MACROH2A1: variants seen among roughly 807,000 people sequenced by gnomAD.
MACROH2A1 encodes the protein macroH2A.1 histone.
Under a neutral mutation model 31.6 loss-of-function variants are expected in MACROH2A1, and 2 were observed. That is an observed-to-expected ratio of 0.06 (90% CI 0.03 to 0.20). The LOEUF (loss-of-function observed/expected upper bound fraction) is 0.20. MACROH2A1 is among the 10% of genes least tolerant of loss of function. The probability of loss-of-function intolerance (pLI) is 1.00; values close to 1 mark genes in which losing one functional copy is unlikely to be tolerated. For synonymous variants in MACROH2A1, 169 were observed against 189.6 expected (o/e 0.89, Z 0.89); for missense variants, 230 against 474.0 (o/e 0.49, Z 4.78).
chr5:135,354,725 C>T (rs538425813), intron 5 of MACROH2A1: 37 of 281,924 alleles, frequency 1.3e-4, no homozygotes, highest in African/African-American at 8.3e-4. Flanking sequence ...AGTCGGGGGC[C>T]TTAGGGTAAG....
chr5:135,342,231 C>T (rs1354319855), intron 8 of MACROH2A1, among the ~76,000 whole-genome samples: 1 of 152,214 alleles, frequency 6.6e-6, no homozygotes, highest in East Asian at 1.9e-4. Flanking sequence ...ATGTCTGCAT[C>T]ATGGGACACA....
chr5:135,335,080 C>A lies in MACROH2A1; in HGVS notation c.1015G>T (p.Val339Leu). ...LILKAISSYF[V>L]STMSSSIKTV... ...TTGATGGAAGAGGACATTGTAGACA[C>A]GAAGTAACTGGAGATGGCCTTCAGA... is the stretch of plus-strand genomic sequence containing the variant. Residue 339 changes from valine to leucine, a missense_variant, in exon 9 of 9, where the codon GTG (valine) becomes TTG (leucine). Physicochemically the swap from Val to Leu is conservative, Grantham distance 32 (BLOSUM62 1). Around this residue, in one of 2 missense-constraint regions of MACROH2A1, gnomAD observed 183 missense variants for 319.3 expected, o/e 0.57. Coordinates refer to ENST00000511689, the MANE Select transcript of MACROH2A1 (RefSeq NM_138610.3). 3 of 1,613,456 alleles carry A rather than the reference C, an allele frequency of 1.9e-6. No individual in the cohort carries two copies. The highest frequency in any genetic ancestry group is 2.5e-6 in the Non-Finnish European group (3 of 1,179,366).
At position 135,369,880 on chromosome 5, in the gene MACROH2A1, GGGAA is replaced by G. The variant is rs1763967387; in HGVS notation, c.279+152_279+155del. On this transcript the variant is annotated intron_variant, in intron 3 of 8. Transcript: ENST00000511689. The surrounding 1 kb of genome is among the most constrained non-coding windows in gnomAD (Gnocchi z 4.3). Reference sequence around the variant, plus strand: ...CCCCAACACTCCCAATAAGGCCTTGGGGAAAAACTGCCATGGGAGGCAGAGAAGC... The same window carrying G: ...CCCCAACACTCCCAATAAGGCCTTGGAAACTGCCATGGGAGGCAGAGAAGC... 6.6e-6 allele frequency among the ~76,000 whole-genome samples: 1 copy of G among 151,948 alleles called. No individual in the cohort carries two copies. The highest frequency in any genetic ancestry group is 2.4e-5 in the African/African-American group (1 of 41,418).
intron 8 of MACROH2A1, 58 bp downstream of exon 8, chr5:135,343,202 C>T: frequency 6.2e-7 from 1 of 1,607,870 alleles, no homozygotes. Flanking sequence ...CAATTATGGG[C>T]CATGTGTGCG....
chr5:135,391,961 G>T (rs375570432), intron 1 of MACROH2A1, among the ~76,000 whole-genome samples: 68 of 152,280 alleles, frequency 4.5e-4, no homozygotes, highest in African/African-American at 1.6e-3. Flanking sequence ...GCCACAAACA[G>T]CATACTTCAG....
chr5:135,365,388 G>A (rs1016979763), intron 4 of MACROH2A1, among the ~76,000 whole-genome samples: 6 of 152,094 alleles, frequency 3.9e-5, no homozygotes, highest in African/African-American at 1.2e-4. Flanking sequence ...ACCTTACTCT[G>A]CTGGGGCTCT....
intron 5 of MACROH2A1, chr5:135,353,326 T>C (rs1561593845): frequency 2.6e-6 from 1 of 385,480 alleles, no homozygotes; most frequent in Non-Finnish European, 4.8e-6. Context: ...AGCTTTCCTT[T>C]AAAGGGACTT....
intron 6 of MACROH2A1, chr5:135,347,349 C>T (rs376957632): frequency 1.1e-4 from 17 of 152,212 alleles, no homozygotes; most frequent in East Asian, 3.9e-4. Context: ...TGTACCCACC[C>T]GCTGTAGGAA....
In MACROH2A1 at chr5:135,369,463, G is replaced by A. The variant is rs879470460; in HGVS notation, c.420C>T (p.Ser140=). ...PPPAKKAKSP[S]QKKPVSKKAG... is the part of the protein sequence containing the mutation. ...CTTTTTTAGATACAGGCTTCTTCTG[G>A]GATGGAGACTTGGCCTTTTTGGCTG... The change falls in exon 4 of 9, where the codon TCC becomes TCT. Residue 140 remains serine (S), a synonymous_variant. Transcript: ENST00000511689. The surrounding 1 kb of genome is among the most constrained non-coding windows in gnomAD (Gnocchi z 4.3). 5 of 1,614,164 alleles carry A rather than the reference G, an allele frequency of 3.1e-6. No individual in the cohort carries two copies. Among genetic ancestry groups the A allele is most frequent in the Non-Finnish European group, 4.2e-6 (5 of 1,180,032 alleles).
chr5:135,383,139 G>T (rs764658140), intron 2 of MACROH2A1, among the ~76,000 whole-genome samples: 1 of 152,214 alleles, frequency 6.6e-6, no homozygotes, highest in South Asian at 2.1e-4. Flanking sequence ...GGCACATAGT[G>T]TTGAACTGAT....
At position 135,335,124 on chromosome 5, in the gene MACROH2A1, T is replaced by C; in HGVS notation, c.971A>G (p.Gln324Arg). The change falls in exon 9 of 9, where the codon CAG becomes CGG. Residue 324 changes from glutamine (Q) to arginine (R), a missense_variant. Gln to Arg is a conservative substitution (Grantham distance 43). Coordinates refer to ENST00000511689, the MANE Select transcript of MACROH2A1 (RefSeq NM_138610.3). ...IGSGRNGFPK[Q>R]TAAQLILKAI... The stretch of plus-strand genomic sequence containing the variant: ...CTTCAGAATCAGCTGAGCTGCTGTC[T>C]GCTTTGGAAAACCGTTCCTGGAGAA... 1 of 1,614,006 alleles carries C rather than the reference T, an allele frequency of 6.2e-7. No homozygotes were observed. The highest frequency in any genetic ancestry group is 8.5e-7 in the Non-Finnish European group (1 of 1,179,854).
chr5:135,390,483 T>C (rs1300848365), intron 1 of MACROH2A1, among the ~76,000 whole-genome samples: 2 of 152,194 alleles, frequency 1.3e-5, no homozygotes, highest in East Asian at 3.9e-4. Flanking sequence ...AACCCCCTAG[T>C]CATTTAAAAG....
chr5:135,375,497 A>G (rs908743404), intron 2 of MACROH2A1, among the ~76,000 whole-genome samples: 4 of 152,200 alleles, frequency 2.6e-5, no homozygotes, highest in Non-Finnish European at 5.9e-5. Context: ...GAACTAAAAC[A>G]TATCTGTTGT....
chr5:135,372,065 GAC>G, intron 2 of MACROH2A1, among the ~76,000 whole-genome samples: 2 of 152,232 alleles, frequency 1.3e-5, no homozygotes, highest in East Asian at 3.9e-4. Context: ...GAGGAGATCA[GAC>G]ACACTTGAAA....
chr5:135,370,710 T>G (rs73789324), intron 2 of MACROH2A1, among the ~76,000 whole-genome samples: 3,965 of 152,180 alleles, frequency 0.026, 160 homozygotes, highest in African/African-American at 0.085. Context: ...TGTGTGTGTG[T>G]GGGGGGAGGT....
chr5:135,337,860 G>T, intron 8 of MACROH2A1: 1 of 807,690 alleles, frequency 1.2e-6, no homozygotes, highest in Non-Finnish European at 1.6e-6. Context: ...CAGGGTTGTT[G>T]GTGGGTGAAC....
intron 2 of MACROH2A1, among the ~76,000 whole-genome samples, chr5:135,385,645 G>T (rs907044365): frequency 1.3e-5 from 2 of 152,154 alleles, no homozygotes; most frequent in African/African-American, 4.8e-5. Flanking sequence ...CCCAGCAGGC[G>T]CATCAAGACA....
intron 1 of MACROH2A1, among the ~76,000 whole-genome samples, chr5:135,391,866 T>C (rs556351897): frequency 1.6e-4 from 24 of 152,292 alleles, no homozygotes; most frequent in Admixed American, 1.2e-3. Flanking sequence ...TGACCTATTC[T>C]CAACCGCACC....
chr5:135,350,565 G>A, intron 6 of MACROH2A1: 2 of 434,330 alleles, frequency 4.6e-6, no homozygotes, highest in Admixed American at 3.9e-5. Context: ...TTGTGGGGCA[G>A]GTGAAGAAAC....
Sources: gnomAD v4.1 joint callset for allele counts (sites outside exome capture counted in the v4.1 genomes callset) on GRCh38, gnomAD v4.1.1 for gene constraint, gnomAD v4.1.1 regional missense constraint, Gnocchi (gnomAD v3.1) non-coding constraint, MANE v1.5 for transcripts, NCBI Gene and HGNC (gene_info 2026-07-23, HGNC 2026-07-21) for gene names.